Variants in DDX6 observed in about 807,000 individuals in gnomAD.
DDX6 encodes probable ATP-dependent RNA helicase DDX6.
In DDX6, 7 loss-of-function variants were observed where a neutral mutation model predicts 60.6. The ratio of observed to expected loss-of-function variants is 0.12; its 90% confidence interval spans 0.07 to 0.22. The LOEUF (loss-of-function observed/expected upper bound fraction) is 0.22. DDX6 is among the 10% of genes least tolerant of loss of function. The pLI is 1.00. For missense variants in DDX6, 270 were observed against 589.9 expected, an observed-to-expected ratio of 0.46 and a Z score of 5.62; for synonymous variants, 207 against 201.0, an observed-to-expected ratio of 1.03 and a Z score of -0.25.
intron 1 of DDX6, chr11:118,789,126 A>T (rs1357822380): frequency 7.8e-6 from 1 of 128,232 alleles, no homozygotes; most frequent in Non-Finnish European, 1.5e-5. Flanking sequence ...CCCAGGTTGG[A>T]GTGCAGTGGC....
intron 13 of DDX6, 182 bp downstream of exon 13, chr11:118,754,523 T>C: frequency 2.0e-6 from 1 of 498,212 alleles, no homozygotes; most frequent in South Asian, 3.8e-5. Context: ...GAACAACATT[T>C]ACAGATTCTC....
At chr11:118,781,859 C>T (rs781789778) in intron 2 of DDX6, among the ~76,000 whole-genome samples, 2 of 151,830 alleles carry the variant, frequency 1.3e-5, no homozygotes, top group Non-Finnish European at 2.9e-5. Flanking sequence ...ACCTGGGAGG[C>T]GGACACTGCA....
chr11:118,765,472 G>T, intron 5 of DDX6, 117 bp from the exon 6 acceptor site: 1 of 1,036,684 alleles, frequency 9.6e-7, no homozygotes, highest in Non-Finnish European at 1.5e-6. Flanking sequence ...ATGATGCAGT[G>T]GCTCACACCT....
chr11:118,781,989 G>C (rs1016490350), intron 2 of DDX6, among the ~76,000 whole-genome samples: 3 of 151,862 alleles, frequency 2.0e-5, no homozygotes, highest in Middle Eastern at 6.3e-3. Flanking sequence ...AAGGCAAGCG[G>C]ATCACCTGAG....
Position 118,786,312 on chromosome 11 carries a change from G to C in DDX6, c.-61C>G. 1.4e-6 allele frequency: 2 copies of C among 1,425,444 alleles called. No individual in the cohort carries two copies. Among genetic ancestry groups the C allele is most frequent in the African/African-American group, 1.4e-5 (1 of 70,112 alleles). The allele number at this position is 1,425,444 out of a possible 1,614,324, so 88.3% of individuals were successfully genotyped here. ...ACTTTTGAAAGTCAGTAGAGAAACT[G>C]TAATAACAGTTTATTAGGCTCTCCA... On this transcript the variant is annotated 5_prime_UTR_variant, in exon 2 of 14. Coordinates refer to ENST00000534980, the MANE Select transcript of DDX6 (RefSeq NM_004397.6).
intron 13 of DDX6, among the ~76,000 whole-genome samples, chr11:118,752,407 T>C (rs1860806982): frequency 6.6e-6 from 1 of 152,198 alleles, no homozygotes; most frequent in Admixed American, 6.5e-5. Context: ...GCTAGTTTCA[T>C]GCTTGTCCAA....
In DDX6 at chr11:118,757,210, C is replaced by T; in HGVS notation, c.1071G>A (p.Leu357=). The T allele has an allele frequency of 6.3e-7, 1 of 1,590,346 alleles. No homozygotes were observed. The highest frequency in any genetic ancestry group is 1.2e-5 in the South Asian group (1 of 85,276). Residue 357 remains leucine (L), a synonymous_variant, in exon 10 of 14, where the codon CTG becomes CTA. Coordinates refer to ENST00000534980, the MANE Select transcript of DDX6 (RefSeq NM_004397.6). The part of the protein sequence containing the change: ...VELLAKKISQ[L]GYSCFYIHAK... Reference sequence around the variant, plus strand: ...CATGAATATAGAAGCAAGAATAACCCAGTTGAGAAATCTTCTTGGCTAGCA... The same window carrying T: ...CATGAATATAGAAGCAAGAATAACCTAGTTGAGAAATCTTCTTGGCTAGCA...
At chr11:118,755,653 C>T (rs1555158616) in intron 11 of DDX6, 150 bp from the exon 12 acceptor site, 1 of 571,886 alleles carries the variant, frequency 1.7e-6, no homozygotes, top group African/African-American at 1.9e-5. Context: ...CTTTCATAAT[C>T]ACATTATCAT....
At chr11:118,777,755 A>G (rs574028916) in intron 4 of DDX6, among the ~76,000 whole-genome samples, 1 of 152,040 alleles carries the variant, frequency 6.6e-6, no homozygotes, top group South Asian at 2.1e-4. Flanking sequence ...TAGGTGTGGT[A>G]GCACACATCT....
At chr11:118,752,197 T>A (rs1860798010) in intron 13 of DDX6, 100 bp from the exon 14 acceptor site, 1 of 173,446 alleles carries the variant, frequency 5.8e-6, no homozygotes, top group South Asian at 1.1e-4. Context: ...TTTCTAGTAG[T>A]TTCTACTAAC....
intron 4 of DDX6, among the ~76,000 whole-genome samples, chr11:118,774,072 C>T (rs116693219): frequency 0.012 from 1,785 of 152,200 alleles, 45 homozygotes; most frequent in African/African-American, 0.041. Context: ...CAGTACGGAG[C>T]TTCCATGTTT....
chr11:118,768,719 T>C (rs940408387), intron 4 of DDX6, among the ~76,000 whole-genome samples: 1 of 151,618 alleles, frequency 6.6e-6, no homozygotes, highest in African/African-American at 2.4e-5. Context: ...AAATAAAAAT[T>C]GGAAAAATGG....
At chr11:118,781,826 G>A (rs570498552) in intron 2 of DDX6, among the ~76,000 whole-genome samples, 3 of 152,134 alleles carry the variant, frequency 2.0e-5, no homozygotes, top group African/African-American at 7.2e-5. Context: ...TACTCGGGAG[G>A]CTGAGGCAGG....
chr11:118,757,845 C>A (rs549075775), intron 9 of DDX6, among the ~76,000 whole-genome samples: 2 of 152,268 alleles, frequency 1.3e-5, no homozygotes, highest in East Asian at 3.9e-4. Context: ...CCCACTTCGG[C>A]TTCCCAAAGT....
In DDX6 at chr11:118,751,728, T is replaced by G; in HGVS notation, c.*377A>C. On this transcript the variant is annotated 3_prime_UTR_variant, in exon 14 of 14. Transcript: ENST00000534980. ...AGGGAGAAGTTGAAATGCACGAGAG[T>G]CAGCTGTTGGAGAATTTTGAAATCA... is the stretch of plus-strand genomic sequence containing the variant. 1 of 284,314 alleles carries G rather than the reference T, an allele frequency of 3.5e-6. No homozygotes were observed. Among genetic ancestry groups the G allele is most frequent in the Non-Finnish European group, 6.9e-6 (1 of 144,590 alleles). The allele number at this position is 284,314 out of a possible 1,614,324, so 17.6% of individuals were successfully genotyped here. A position where few individuals can be genotyped will look rare whatever the true frequency, so the allele number is the denominator to read the frequency against.
chr11:118,788,771 C>G (rs1862166493), intron 1 of DDX6: 1 of 152,164 alleles, frequency 6.6e-6, no homozygotes. Flanking sequence ...CTCACTGCAA[C>G]CTCCACCACG....
chr11:118,764,331 A>C (rs1861276097), intron 6 of DDX6, among the ~76,000 whole-genome samples: 1 of 152,164 alleles, frequency 6.6e-6, no homozygotes, highest in South Asian at 2.1e-4. Flanking sequence ...ATACAGGTCA[A>C]CTTTACTCTT....
intron 11 of DDX6, among the ~76,000 whole-genome samples, chr11:118,755,866 T>G (rs2137417000): frequency 6.6e-6 from 1 of 152,154 alleles, no homozygotes; most frequent in East Asian, 1.9e-4. Context: ...AATACAAAAA[T>G]TAGCCGGGCT....
At chr11:118,763,731 G>A (rs1325819561) in intron 6 of DDX6, among the ~76,000 whole-genome samples, 3 of 151,674 alleles carry the variant, frequency 2.0e-5, no homozygotes, top group Non-Finnish European at 4.4e-5. Flanking sequence ...CTACTCAGGA[G>A]GCTGAGGTAG....
Sources: allele counts gnomAD v4.1 joint callset (sites outside exome capture counted in the v4.1 genomes callset), GRCh38; gene constraint gnomAD v4.1.1; transcripts MANE v1.5; gene names NCBI Gene and HGNC (gene_info 2026-07-23, HGNC 2026-07-21).